VPS13B: variants seen among roughly 807,000 people sequenced by gnomAD.
VPS13B encodes intermembrane lipid transfer protein VPS13B.
A neutral mutation model predicts 426.4 loss-of-function variants in VPS13B; 285 were observed. That is an observed-to-expected ratio of 0.67 (90% CI 0.61 to 0.74). VPS13B has a LOEUF of 0.74. VPS13B is among the 30% of genes least tolerant of loss of function. VPS13B has a pLI of 0.00. For synonymous variants in VPS13B, 1,676 were observed against 1,676.4 expected (o/e 1.00, Z 0.01); for missense variants, 4,537 against 4,782.6 (o/e 0.95, Z 1.51).
At chr8:99,867,340 G>A (rs951506110) in intron 58 of VPS13B, among the ~76,000 whole-genome samples, 10 of 152,202 alleles carry the variant, frequency 6.6e-5, no homozygotes, top group South Asian at 4.1e-4. Context: ...CCACAGGACT[G>A]CCTGAGGGGC....
chr8:99,088,556 G>A (rs571819103), intron 3 of VPS13B, among the ~76,000 whole-genome samples: 1 of 152,090 alleles, frequency 6.6e-6, no homozygotes, highest in African/African-American at 2.4e-5. Context: ...TCAATTTGAG[G>A]TGCTCACATA....
At chr8:99,111,939 T>G (rs1301686552) in intron 6 of VPS13B, among the ~76,000 whole-genome samples, 2 of 152,080 alleles carry the variant, frequency 1.3e-5, no homozygotes, top group African/African-American at 4.8e-5. Context: ...TTTCAGCCCT[T>G]TTTTCCTCTC....
At chr8:99,437,674 C>T (rs1449570617) in intron 22 of VPS13B, among the ~76,000 whole-genome samples, 4 of 151,952 alleles carry the variant, frequency 2.6e-5, no homozygotes, top group African/African-American at 7.3e-5. Flanking sequence ...GCCGAGATTG[C>T]GCCACTGCAC....
At chr8:99,373,528 G>T (rs1813308857) in intron 19 of VPS13B, among the ~76,000 whole-genome samples, 1 of 152,054 alleles carries the variant, frequency 6.6e-6, no homozygotes, top group Non-Finnish European at 1.5e-5. Context: ...TGAGAAATAA[G>T]ACACATAAGT....
chr8:99,414,579 A>G (rs1588348708), intron 21 of VPS13B, among the ~76,000 whole-genome samples: 1 of 152,078 alleles, frequency 6.6e-6, no homozygotes, highest in African/African-American at 2.4e-5. Context: ...TTTATGTTTT[A>G]TGCTTCGTTC....
intron 33 of VPS13B, among the ~76,000 whole-genome samples, chr8:99,640,016 T>G (rs58776988): frequency 0.21 from 15,212 of 71,984 alleles, 1,460 homozygotes; most frequent in African/African-American, 0.27. Context: ...ATAATAATAA[T>G]AATAATAATA....
chr8:99,219,929 G>A (rs182809722), intron 17 of VPS13B, among the ~76,000 whole-genome samples: 268 of 152,256 alleles, frequency 1.8e-3, no homozygotes, highest in Middle Eastern at 6.8e-3. Flanking sequence ...TTGACCAGGG[G>A]CAGCTACCTT....
chr8:99,693,225 G>T (rs370136899), intron 35 of VPS13B, among the ~76,000 whole-genome samples: 5 of 150,892 alleles, frequency 3.3e-5, no homozygotes, highest in African/African-American at 4.9e-5. Context: ...TACCAAAGCC[G>T]GGCAGAGACA....
chr8:99,804,281 A>T (rs1413409396), intron 43 of VPS13B: 1 of 152,288 alleles, frequency 6.6e-6, no homozygotes, highest in Admixed American at 6.5e-5. Flanking sequence ...GGCTGGCAGC[A>T]CTTGCTGGCT....
intron 14 of VPS13B, 81 bp from the exon 15 acceptor site, chr8:99,156,468 A>T (rs1414815679): frequency 8.7e-6 from 12 of 1,376,172 alleles, no homozygotes; most frequent in Non-Finnish European, 1.2e-5. Context: ...AAATGTGCAG[A>T]TCTGAAGCTT....
chr8:99,440,028 A>G (rs1000319171), intron 22 of VPS13B, among the ~76,000 whole-genome samples: 1 of 152,146 alleles, frequency 6.6e-6, no homozygotes, highest in African/African-American at 2.4e-5. Context: ...TGATACTTAG[A>G]TATGTAGCCC....
intron 21 of VPS13B, among the ~76,000 whole-genome samples, chr8:99,395,363 G>A (rs1367744604): frequency 6.6e-6 from 1 of 152,218 alleles, no homozygotes; most frequent in Admixed American, 6.5e-5. Flanking sequence ...GGTTTGGCAA[G>A]GAATAACCTC....
chr8:99,290,470 A>G (rs923315950), intron 19 of VPS13B, among the ~76,000 whole-genome samples: 7 of 152,012 alleles, frequency 4.6e-5, no homozygotes, highest in African/African-American at 7.2e-5. Context: ...ACACTTGGAC[A>G]CAGGAAGGGG....
At chr8:99,217,537 C>T (rs894412371) in intron 17 of VPS13B, among the ~76,000 whole-genome samples, 6 of 152,152 alleles carry the variant, frequency 3.9e-5, no homozygotes, top group African/African-American at 1.4e-4. Context: ...TTGAAGAACA[C>T]TGAGAAGGTG....
intron 3 of VPS13B, among the ~76,000 whole-genome samples, chr8:99,067,785 G>A (rs971785050): frequency 2.6e-5 from 4 of 152,008 alleles, no homozygotes; most frequent in Admixed American, 2.0e-4. Context: ...ATCTCAGTTG[G>A]CATCAAAAGT....
At chr8:99,501,883 C>T (rs1245261484) in intron 26 of VPS13B, 25 bp downstream of exon 26, 1 of 1,605,366 alleles carries the variant, frequency 6.2e-7, no homozygotes. Context: ...TTCTTTCTTC[C>T]CTCCCTCCCT....
chr8:99,828,394 G>GTTTTTTTTTTTTTTTTTT (rs555108452), intron 51 of VPS13B, among the ~76,000 whole-genome samples: 195 of 17,440 alleles, frequency 0.011, 64 homozygotes, highest in African/African-American at 0.014. Flanking sequence ...TACAACCACC[G>GTTTTTTTTTTTTTTTTTT]TTTTTTTTTT....
intron 33 of VPS13B, among the ~76,000 whole-genome samples, chr8:99,632,731 T>G (rs781076812): frequency 2.6e-5 from 4 of 152,006 alleles, no homozygotes; most frequent in Non-Finnish European, 5.9e-5. Context: ...TTCAAGTCTG[T>G]TGCATCATTA....
At chr8:99,168,759 T>C (rs1812160559) in intron 15 of VPS13B, among the ~76,000 whole-genome samples, 1 of 152,090 alleles carries the variant, frequency 6.6e-6, no homozygotes, top group South Asian at 2.1e-4. Flanking sequence ...CTGTACTTCT[T>C]ATCTATTGGT....
Sources: allele counts gnomAD v4.1 joint callset (sites outside exome capture counted in the v4.1 genomes callset), GRCh38; gene constraint gnomAD v4.1.1; transcripts MANE v1.5; gene names NCBI Gene and HGNC (gene_info 2026-07-23, HGNC 2026-07-21).